Variants in PEX5L observed in about 807,000 individuals in gnomAD.
The protein encoded by PEX5L is PEX5-related protein.
In PEX5L, 30 loss-of-function variants were observed where a neutral mutation model predicts 84.0. That is an observed-to-expected ratio of 0.36 (90% confidence interval 0.27 to 0.48). The LOEUF is 0.48. PEX5L is among the 20% of genes least tolerant of loss of function. The pLI, the probability that PEX5L is intolerant of heterozygous loss-of-function variation, is 0.99. For missense variants in PEX5L, 533 were observed against 754.6 expected (o/e 0.71, Z 3.44); for synonymous variants, 270 against 283.1 (o/e 0.95, Z 0.46).
At chr3:179,835,778 T>C (rs529352674) in intron 8 of PEX5L, among the ~76,000 whole-genome samples, 1 of 152,304 alleles carries the variant, frequency 6.6e-6, no homozygotes, top group Admixed American at 6.5e-5. Context: ...ACTGTCCAGA[T>C]GGCCCGGAAT....
chr3:179,899,982 T>C (rs991193681), intron 2 of PEX5L, among the ~76,000 whole-genome samples: 1 of 152,222 alleles, frequency 6.6e-6, no homozygotes, highest in African/African-American at 2.4e-5. Context: ...AGGTTTCTTC[T>C]TTAATGAAGC....
chr3:180,025,402 T>A (rs1442497652), intron 1 of PEX5L, among the ~76,000 whole-genome samples: 1 of 152,228 alleles, frequency 6.6e-6, no homozygotes, highest in Non-Finnish European at 1.5e-5. Flanking sequence ...AATATAAAGA[T>A]GTATTGGATA....
chr3:179,879,900 G>A (rs1031613323), intron 5 of PEX5L, 29 bp downstream of exon 5: 1 of 1,479,062 alleles, frequency 6.8e-7, no homozygotes. Context: ...GCAAGGTTGA[G>A]CATCCATAGC....
At chr3:179,811,440 A>T (rs969111474) in intron 11 of PEX5L, among the ~76,000 whole-genome samples, 1 of 152,180 alleles carries the variant, frequency 6.6e-6, no homozygotes, top group African/African-American at 2.4e-5. Flanking sequence ...AACGTCATCC[A>T]GACCATTAGT....
intron 8 of PEX5L, among the ~76,000 whole-genome samples, chr3:179,844,289 A>G (rs1308468745): frequency 6.6e-6 from 1 of 152,240 alleles, no homozygotes; most frequent in Non-Finnish European, 1.5e-5. Flanking sequence ...GTGGATCTGT[A>G]AAATGAAACT....
intron 14 of PEX5L, chr3:179,804,209 GCTC>G (rs1720250505): frequency 6.6e-6 from 1 of 152,064 alleles, no homozygotes; most frequent in African/African-American, 2.4e-5. Flanking sequence ...GTCTAAACCT[GCTC>G]CCCTGCTTGT....
rs3774227 is a variant in PEX5L, at chr3:179,799,883, C to T, written c.*1945G>A. 47,511 of 152,032 alleles carry T rather than the reference C, an allele frequency of 0.31. 7,917 individuals carry two copies. The highest frequency in any genetic ancestry group is 0.43 in the African/African-American group (17,657 of 41,432). The allele number at this position is 152,032 out of a possible 1,614,324, so 9.4% of individuals were successfully genotyped here. A position where few individuals can be genotyped will look rare whatever the true frequency, so the allele number is the denominator to read the frequency against. On this transcript the variant is annotated 3_prime_UTR_variant, in exon 15 of 15. Transcript: ENST00000467460. ...TTGCTGCTGAGACTGTAGAGAAGCA[C>T]GGTCTGAGACTGGGTGGTCGCTGCT...
In PEX5L at chr3:179,971,659, T is replaced by A; in HGVS notation, c.28A>T (p.Lys10Ter). The A allele has an allele frequency of 1.2e-6, 2 of 1,601,972 alleles. No homozygotes were observed. The highest frequency in any genetic ancestry group is 1.7e-6 in the Non-Finnish European group (2 of 1,174,678). MYQGHMQKS[K>*]EQGYGKLSSD... ...CTTAGTTTTCCATATCCTTGTTCTTTACTTTTCTTGTGAAAGAATAATTTT... is the reference window on the plus strand; with the variant it reads ...CTTAGTTTTCCATATCCTTGTTCTTAACTTTTCTTGTGAAAGAATAATTTT... Residue 10 changes from lysine to a stop codon, truncating the protein, a stop_gained, in exon 2 of 15, where the codon AAA becomes TAA. Transcript: ENST00000467460. LOFTEE classifies it high-confidence loss of function.
At chr3:179,820,119 G>C in intron 8 of PEX5L, 143 bp from the exon 9 acceptor site, 1 of 1,122,618 alleles carries the variant, frequency 8.9e-7, no homozygotes, top group Non-Finnish European at 1.3e-6. Context: ...CGTGGCTGAA[G>C]AGCTTCTGGA....
chr3:179,802,086 A>T (rs1719065759), intron 14 of PEX5L, 54 bp from the exon 15 acceptor site: 1 of 1,291,944 alleles, frequency 7.7e-7, no homozygotes, highest in African/African-American at 1.5e-5. Flanking sequence ...GAGTTAGCAA[A>T]TGTAAACAAA....
At chr3:179,892,688 C>A (rs900474017) in intron 3 of PEX5L, among the ~76,000 whole-genome samples, 2 of 152,068 alleles carry the variant, frequency 1.3e-5, no homozygotes, top group African/African-American at 4.8e-5. Context: ...CATTTCCTCC[C>A]AGTCACATCT....
intron 8 of PEX5L, among the ~76,000 whole-genome samples, chr3:179,844,766 C>T (rs963331140): frequency 2.0e-5 from 3 of 152,104 alleles, no homozygotes; most frequent in Admixed American, 2.0e-4. Context: ...GGAGGCAGAG[C>T]TTGCAGTGAG....
At chr3:179,823,089 C>A (rs960265521) in intron 8 of PEX5L, among the ~76,000 whole-genome samples, 9 of 152,190 alleles carry the variant, frequency 5.9e-5, no homozygotes, top group African/African-American at 1.9e-4. Context: ...AGTGTTCTTG[C>A]TAGTGTCTTT....
chr3:179,809,450 G>A, intron 12 of PEX5L, 21 bp downstream of exon 12: 1 of 1,586,460 alleles, frequency 6.3e-7, no homozygotes, highest in Non-Finnish European at 8.7e-7. Flanking sequence ...ACTGCCAGCT[G>A]TAATATAACG....
chr3:179,912,622 C>T (rs1230975551), intron 2 of PEX5L, among the ~76,000 whole-genome samples: 4 of 152,024 alleles, frequency 2.6e-5, no homozygotes, highest in Non-Finnish European at 1.5e-5. Flanking sequence ...GAAGAAAGCT[C>T]AGAATGGTTT....
At position 179,796,955 on chromosome 3, in the gene PEX5L, C is replaced by T. The variant is rs1717210391; in HGVS notation, c.*4873G>A. On this transcript the variant is annotated 3_prime_UTR_variant, in exon 15 of 15. Coordinates refer to ENST00000467460, the MANE Select transcript of PEX5L (RefSeq NM_016559.3). ...TATGAAAATTAAGGCCCCATATCTA[C>T]TTCGTTGTGTGATGATTTTGATGTG... 2 of 152,194 alleles carry T rather than the reference C, an allele frequency of 1.3e-5. No individual in the cohort carries two copies. Among genetic ancestry groups the T allele is most frequent in the Non-Finnish European group, 2.9e-5 (2 of 68,042 alleles). The allele number at this position is 152,194 out of a possible 1,614,324, so 9.4% of individuals were successfully genotyped here. A position where few individuals can be genotyped will look rare whatever the true frequency, so the allele number is the denominator to read the frequency against.
chr3:179,816,060 C>A, intron 9 of PEX5L, 56 bp from the exon 10 acceptor site: 5 of 1,552,806 alleles, frequency 3.2e-6, no homozygotes, highest in Non-Finnish European at 4.4e-6. Context: ...CTCATTCTCA[C>A]ATTCAATAAG....
At chr3:179,906,008 A>G (rs1763076897) in intron 2 of PEX5L, among the ~76,000 whole-genome samples, 2 of 152,350 alleles carry the variant, frequency 1.3e-5, no homozygotes, top group African/African-American at 4.8e-5. Context: ...TTAGATGAAA[A>G]GTTTTAATTA....
intron 8 of PEX5L, among the ~76,000 whole-genome samples, chr3:179,847,147 T>C (rs1739785210): frequency 6.6e-6 from 1 of 151,700 alleles, no homozygotes; most frequent in Non-Finnish European, 1.5e-5. Flanking sequence ...TGTCTGTATA[T>C]ATTGATATAT....
Sources: allele counts gnomAD v4.1 joint callset (sites outside exome capture counted in the v4.1 genomes callset), GRCh38; gene constraint gnomAD v4.1.1; transcripts MANE v1.5; gene names NCBI Gene and HGNC (gene_info 2026-07-23, HGNC 2026-07-21).